Variants in ZNF385D observed in about 807,000 individuals in gnomAD.
ZNF385D encodes the protein zinc finger protein 659.
A neutral mutation model predicts 35.8 loss-of-function variants in ZNF385D; 15 were observed. That is an observed-to-expected ratio of 0.42 (90% CI 0.28 to 0.64). The LOEUF (loss-of-function observed/expected upper bound fraction) is 0.64. Ranked by LOEUF, ZNF385D falls within the 30% of genes least tolerant of loss-of-function variation. The probability of loss-of-function intolerance (pLI) is 0.23; values close to 1 mark genes in which losing one functional copy is unlikely to be tolerated. For missense variants in ZNF385D, 474 were observed against 494.6 expected, an observed-to-expected ratio of 0.96 and a Z score of 0.39; for synonymous variants, 212 against 186.8, an observed-to-expected ratio of 1.13 and a Z score of -1.10.
chr3:21,696,235 C>T (rs956518431), intron 1 of ZNF385D, among the ~76,000 whole-genome samples: 2 of 152,126 alleles, frequency 1.3e-5, no homozygotes, highest in African/African-American at 4.8e-5. Flanking sequence ...TGAACACGGA[C>T]TTTGGAATTA....
Position 21,761,445 on chromosome 3 carries a change from GC to G in ZNF385D, c.326-96418del, listed in dbSNP as rs532089792. Among the ~76,000 whole-genome samples the G allele has an allele frequency of 7.3e-3, 1,107 of 152,280 alleles. 6 individuals carry two copies. Among genetic ancestry groups the G allele is most frequent in the Non-Finnish European group, 0.012 (825 of 68,020 alleles). ...CTGAAGAGTATTACTTAAAGTGATG[GC>G]AAGGTGGTCTAGAATTCAGCTAAGA... On this transcript the variant is annotated intron_variant, in intron 3 of 5. Transcript: ENST00000494108.
Position 21,997,864 on chromosome 3 carries a change from CGCGCGCGCGTGT to C in ZNF385D, c.325+170941_325+170952del, listed in dbSNP as rs1314501091. On this transcript the variant is annotated intron_variant, in intron 3 of 5. Coordinates refer to the ZNF385D transcript ENST00000494108. ...TGTTGATGTTGCTATTTGGCGCGCG[CGCGCGCGCGTGT>C]GTGTGTGTGTGTGTGTGTGTGTGTG... Among the ~76,000 whole-genome samples, 656 of 105,946 alleles carry C rather than the reference CGCGCGCGCGTGT, an allele frequency of 6.2e-3. 3 individuals are homozygous for C. Among genetic ancestry groups the C allele is most frequent in the African/African-American group, 0.011 (349 of 30,574 alleles). 69.5% of individuals were successfully genotyped at this position (105,946 alleles called of 152,430 possible).
chr3:21,795,849 A>G (rs1056639334), intron 3 of ZNF385D, among the ~76,000 whole-genome samples: 3 of 152,250 alleles, frequency 2.0e-5, no homozygotes, highest in Non-Finnish European at 4.4e-5. Context: ...GCTATTCTCA[A>G]TGGCAAACAG....
intron 3 of ZNF385D, among the ~76,000 whole-genome samples, chr3:21,825,586 T>C (rs1397328969): frequency 6.6e-6 from 1 of 152,168 alleles, no homozygotes; most frequent in Non-Finnish European, 1.5e-5. Context: ...CTTCATTTCA[T>C]TGGCATTGTC....
At chr3:22,258,810 T>C (rs974544039) in intron 2 of ZNF385D, among the ~76,000 whole-genome samples, 2 of 151,824 alleles carry the variant, frequency 1.3e-5, no homozygotes, top group Non-Finnish European at 2.9e-5. Flanking sequence ...ACTTATATTT[T>C]CCAAAATAAA....
rs1700541380 is a variant in ZNF385D at position 21,414,935 on chromosome 3, T to G, written c.*6279A>C. 6.6e-6 allele frequency: 1 copy of G among 152,104 alleles called. No individual in the cohort carries two copies. Among genetic ancestry groups the G allele is most frequent in the Non-Finnish European group, 1.5e-5 (1 of 68,002 alleles). The allele number at this position is 152,104 out of a possible 1,614,324, so 9.4% of individuals were successfully genotyped here. ...TGTTAGCATAACATCATAAGAGACA[T>G]AAAGCATCTCACGAAGGGTCTTTAT... On this transcript the variant is annotated 3_prime_UTR_variant, in exon 8 of 8. Transcript: ENST00000281523.
intron 3 of ZNF385D, among the ~76,000 whole-genome samples, chr3:21,879,971 C>T (rs2125861847): frequency 6.6e-6 from 1 of 152,028 alleles, no homozygotes; most frequent in African/African-American, 2.4e-5. Context: ...AAATTAGAGT[C>T]TGGCCACAAT....
At chr3:21,670,737 A>T (rs1447665672) in intron 1 of ZNF385D, among the ~76,000 whole-genome samples, 7 of 133,864 alleles carry the variant, frequency 5.2e-5, no homozygotes, top group Non-Finnish European at 1.1e-4. Context: ...CTGAGTTCCC[A>T]GCCATGAAGG....
chr3:22,071,115 T>C (rs1020986184), intron 3 of ZNF385D, among the ~76,000 whole-genome samples: 1 of 152,158 alleles, frequency 6.6e-6, no homozygotes, highest in African/African-American at 2.4e-5. Context: ...GGATACAGAA[T>C]GCTCCTGTGC....
intron 1 of ZNF385D, among the ~76,000 whole-genome samples, chr3:21,707,829 A>G (rs1015703273): frequency 2.6e-5 from 4 of 152,326 alleles, no homozygotes; most frequent in African/African-American, 9.6e-5. Context: ...AAACTGTAGA[A>G]GATGAAAGAT....
intron 3 of ZNF385D, among the ~76,000 whole-genome samples, chr3:21,860,410 C>G (rs1158619359): frequency 6.6e-6 from 1 of 152,112 alleles, no homozygotes; most frequent in Non-Finnish European, 1.5e-5. Flanking sequence ...TACATGTTTA[C>G]AGATTAATCA....
chr3:22,202,747 G>A (rs1696885503), intron 2 of ZNF385D, among the ~76,000 whole-genome samples: 2 of 152,094 alleles, frequency 1.3e-5, no homozygotes, highest in Admixed American at 1.3e-4. Context: ...TGAGCTTGGG[G>A]AAAAGACAGC....
rs114943013 is a variant in ZNF385D at position 22,272,641 on chromosome 3, T to C, written c.106+99809A>G. ...ACAGTGTTATCACCATAGCCCTCTA[T>C]TCATAAAACTTTAAAAAAAATTCCT... is the stretch of plus-strand genomic sequence containing the variant. On this transcript the variant is annotated intron_variant, in intron 2 of 5. Coordinates refer to the ZNF385D transcript ENST00000494108. Among the ~76,000 whole-genome samples the C allele has an allele frequency of 4.4e-3, 675 of 152,120 alleles. 7 individuals are homozygous for C. The highest frequency in any genetic ancestry group is 0.015 in the African/African-American group (640 of 41,546).
At chr3:21,493,238 G>A (rs1219288644) in intron 4 of ZNF385D, among the ~76,000 whole-genome samples, 1 of 152,020 alleles carries the variant, frequency 6.6e-6, no homozygotes, top group Non-Finnish European at 1.5e-5. Context: ...GTATTATTTA[G>A]CAAATGAGAG....
chr3:22,303,015 T>C (rs1451864336), intron 2 of ZNF385D, among the ~76,000 whole-genome samples: 3 of 152,110 alleles, frequency 2.0e-5, no homozygotes. Context: ...AAGATGATAG[T>C]TCATCTTTTT....
At chr3:22,078,743 A>C (rs2125578139) in intron 3 of ZNF385D, among the ~76,000 whole-genome samples, 1 of 152,228 alleles carries the variant, frequency 6.6e-6, no homozygotes, top group South Asian at 2.1e-4. Flanking sequence ...AAGTTGCAGA[A>C]GTAAATGTCA....
chr3:22,023,313 C>A (rs570340030), intron 3 of ZNF385D, among the ~76,000 whole-genome samples: 2 of 152,232 alleles, frequency 1.3e-5, no homozygotes, highest in African/African-American at 4.8e-5. Flanking sequence ...TTAGCTCAGT[C>A]TATTTAGAGT....
intron 3 of ZNF385D, among the ~76,000 whole-genome samples, chr3:21,901,091 T>C (rs764419046): frequency 7.9e-5 from 12 of 152,248 alleles, no homozygotes; most frequent in Non-Finnish European, 1.8e-4. Flanking sequence ...TAGCAAGTGC[T>C]GCGCTAAGCA....
intron 3 of ZNF385D, among the ~76,000 whole-genome samples, chr3:22,128,093 T>C (rs944191666): frequency 4.6e-5 from 7 of 152,336 alleles, no homozygotes; most frequent in South Asian, 4.1e-4. Flanking sequence ...CTCTCAGCTT[T>C]TGTTTGTCTG....
Sources: gnomAD v4.1 joint callset for allele counts (sites outside exome capture counted in the v4.1 genomes callset) on GRCh38, gnomAD v4.1.1 for gene constraint, MANE v1.5 for transcripts, NCBI Gene and HGNC (gene_info 2026-07-23, HGNC 2026-07-21) for gene names.